Variants in FTO observed in about 807,000 individuals in gnomAD.
The protein encoded by FTO is alpha-ketoglutarate-dependent dioxygenase FTO.
Under a neutral mutation model 63.9 loss-of-function variants are expected in FTO, and 47 were observed. The ratio of observed to expected loss-of-function variants is 0.74; its 90% CI spans 0.58 to 0.94. The LOEUF is 0.94. Ranked by LOEUF, FTO falls within the 40% of genes least tolerant of loss-of-function variation. FTO has a pLI of 0.00. For missense variants in FTO, 562 were observed against 618.1 expected, an observed-to-expected ratio of 0.91 and a Z score of 0.96; for synonymous variants, 207 against 224.4, an observed-to-expected ratio of 0.92 and a Z score of 0.69.
At chr16:53,839,825 A>G (rs2079420693) in intron 3 of FTO, among the ~76,000 whole-genome samples, 1 of 141,542 alleles carries the variant, frequency 7.1e-6, no homozygotes, top group African/African-American at 2.6e-5. Flanking sequence ...ATTTATTTTA[A>G]GGTGCAGTGT....
At chr16:53,985,925 G>A (rs2083656731) in intron 8 of FTO, among the ~76,000 whole-genome samples, 1 of 152,202 alleles carries the variant, frequency 6.6e-6, no homozygotes, top group African/African-American at 2.4e-5. Context: ...TTTTAGCAGA[G>A]ATGTTTCCTT....
At chr16:54,016,783 C>T (rs546927410) in intron 8 of FTO, among the ~76,000 whole-genome samples, 5 of 152,224 alleles carry the variant, frequency 3.3e-5, no homozygotes, top group African/African-American at 9.6e-5. Flanking sequence ...CATCTCATGG[C>T]TTTGTTATGT....
intron 1 of FTO, among the ~76,000 whole-genome samples, chr16:53,782,600 C>G (rs142836221): frequency 1.2e-3 from 188 of 152,282 alleles, no homozygotes; most frequent in Admixed American, 2.4e-3. Context: ...TCTTAGAGAT[C>G]ATTTAATTTA....
At chr16:53,897,472 G>T (rs1193700068) in intron 7 of FTO, among the ~76,000 whole-genome samples, 1 of 152,156 alleles carries the variant, frequency 6.6e-6, no homozygotes, top group African/African-American at 2.4e-5. Context: ...CTTAGAGCTG[G>T]TGGTAGCTTG....
At chr16:53,852,101 C>CAAAAAAAAAAAAAAAAAAAAAAAAAA (rs57004473) in intron 4 of FTO, among the ~76,000 whole-genome samples, 2 of 54,444 alleles carry the variant, frequency 3.7e-5, no homozygotes, top group African/African-American at 1.2e-4. Context: ...ACAAAAAATA[C>CAAAAAAAAAAAAAAAAAAAAAAAAAA]AAAAAAAAAA....
At chr16:53,835,696 T>C (rs1308586585) in intron 3 of FTO, among the ~76,000 whole-genome samples, 2 of 152,142 alleles carry the variant, frequency 1.3e-5, no homozygotes, top group East Asian at 3.9e-4. Context: ...CCTTCAGTTG[T>C]TGGACATTTT....
intron 7 of FTO, among the ~76,000 whole-genome samples, chr16:53,898,919 C>T (rs1180980631): frequency 6.6e-6 from 1 of 152,210 alleles, no homozygotes; most frequent in African/African-American, 2.4e-5. Flanking sequence ...AAGTCATCCT[C>T]TCACCTTGGC....
At chr16:53,755,833 C>G (rs545735227) in intron 1 of FTO, among the ~76,000 whole-genome samples, 1 of 152,262 alleles carries the variant, frequency 6.6e-6, no homozygotes, top group South Asian at 2.1e-4. Context: ...CTGGAATGTA[C>G]ATGCTGGACT....
intron 1 of FTO, among the ~76,000 whole-genome samples, chr16:53,769,337 T>G (rs1315908010): frequency 6.6e-6 from 1 of 152,200 alleles, no homozygotes; most frequent in Non-Finnish European, 1.5e-5. Context: ...TACTTGGGCT[T>G]GAGTACTAGC....
chr16:53,997,216 G>GGAGA (rs141176092), intron 8 of FTO, among the ~76,000 whole-genome samples: 1 of 149,350 alleles, frequency 6.7e-6, no homozygotes, highest in Admixed American at 6.7e-5. Context: ...AAGGAAGGAA[G>GGAGA]GAGAGAGAGA....
intron 7 of FTO, among the ~76,000 whole-genome samples, chr16:53,921,094 T>A (rs549526323): frequency 6.6e-6 from 1 of 152,248 alleles, no homozygotes. Context: ...AGACACACTG[T>A]AGGGCCGCAG....
At chr16:54,009,991 C>G (rs2084300039) in intron 8 of FTO, among the ~76,000 whole-genome samples, 1 of 151,984 alleles carries the variant, frequency 6.6e-6, no homozygotes, top group Non-Finnish European at 1.5e-5. Flanking sequence ...CTATTTTTGA[C>G]TGTTGTAGTG....
chr16:53,805,125 C>T (rs1428995353), intron 1 of FTO, among the ~76,000 whole-genome samples: 1 of 152,066 alleles, frequency 6.6e-6, no homozygotes, highest in Non-Finnish European at 1.5e-5. Context: ...CAATAGGATG[C>T]ATAGTTGAAG....
At chr16:53,796,540 A>G (rs9930501) in intron 1 of FTO, among the ~76,000 whole-genome samples, 54,202 of 152,122 alleles carry the variant, frequency 0.36, 10,563 homozygotes, top group Non-Finnish European at 0.44. Flanking sequence ...GGACACAAAA[A>G]GGGACATACT....
At chr16:53,791,091 C>G (rs984901960) in intron 1 of FTO, among the ~76,000 whole-genome samples, 1 of 152,122 alleles carries the variant, frequency 6.6e-6, no homozygotes, top group Non-Finnish European at 1.5e-5. Flanking sequence ...GAGGATAGTT[C>G]TGGGTTTTAG....
intron 3 of FTO, among the ~76,000 whole-genome samples, chr16:53,827,381 T>C (rs1043264008): frequency 3.7e-4 from 57 of 152,216 alleles, no homozygotes; most frequent in African/African-American, 1.4e-3. Flanking sequence ...AGACATAGTA[T>C]TAGCTCTCCT....
At chr16:54,058,004 G>A (rs1434680212) in intron 8 of FTO, among the ~76,000 whole-genome samples, 2 of 152,172 alleles carry the variant, frequency 1.3e-5, no homozygotes, top group Non-Finnish European at 2.9e-5. Flanking sequence ...CATTCCCACG[G>A]CCTCTTCCTG....
At chr16:53,703,982 G>A (rs189281824), upstream of FTO, 25 of 652,082 alleles carry the variant, frequency 3.8e-5, no homozygotes, top group Non-Finnish European at 3.9e-5. Flanking sequence ...TCCAGCTGTC[G>A]GACCTGGGAA....
chr16:53,768,256 A>G (rs1196726167), intron 1 of FTO, among the ~76,000 whole-genome samples: 2 of 152,256 alleles, frequency 1.3e-5, no homozygotes, highest in African/African-American at 4.8e-5. Context: ...AAAAGGAGCC[A>G]TATGAATTTT....
Sources: allele counts gnomAD v4.1 joint callset (sites outside exome capture counted in the v4.1 genomes callset), GRCh38; gene constraint gnomAD v4.1.1; transcripts MANE v1.5; gene names NCBI Gene and HGNC (gene_info 2026-07-23, HGNC 2026-07-21).